MGMT: variants seen among roughly 807,000 people sequenced by gnomAD.
MGMT encodes the protein methylated-DNA--protein-cysteine methyltransferase.
MGMT carries 14 observed loss-of-function variants against 15.9 expected under a neutral mutation model. The ratio of observed to expected loss-of-function variants is 0.88; its 90% CI spans 0.58 to 1.37. The LOEUF is 1.37. Ranked by LOEUF, MGMT falls within the 40% of genes most tolerant of loss-of-function variation. The pLI is 0.00. For synonymous variants in MGMT, 130 were observed against 118.2 expected (o/e 1.10, Z -0.65); for missense variants, 282 against 268.1 (o/e 1.05, Z -0.36).
chr10:129,594,652 C>T lies in MGMT; in HGVS notation c.125+58275C>T, dbSNP rs75860567. On this transcript the variant is annotated intron_variant, in intron 2 of 4. Transcript: ENST00000651593. ...GAAATTGTTCCCATCAGCTCCAGCG[C>T]GTGAAAGACAATACGAACAGTAACA... Among the ~76,000 whole-genome samples, 605 of 152,268 alleles carry T rather than the reference C, an allele frequency of 4.0e-3. 3 individuals are homozygous for T. The highest frequency in any genetic ancestry group is 0.012 in the African/African-American group (510 of 41,552).
chr10:129,711,849 C>T (rs763053599), intron 3 of MGMT, among the ~76,000 whole-genome samples: 7 of 152,022 alleles, frequency 4.6e-5, no homozygotes, highest in Non-Finnish European at 8.8e-5. Context: ...TTAATGAAGC[C>T]ATTATTTTTG....
chr10:129,607,602 C>T (rs972245453), intron 2 of MGMT, among the ~76,000 whole-genome samples: 1 of 152,208 alleles, frequency 6.6e-6, no homozygotes, highest in Non-Finnish European at 1.5e-5. Context: ...CAGGACCTCA[C>T]ACTGAACACC....
In MGMT at chr10:129,554,013, G is replaced by A. The variant is rs115790414; in HGVS notation, c.125+17636G>A. ...CGGACACAGTTGTGTGAATGTGATT[G>A]CAGGAGGGAGCTGGGCAGCTGTTAT... is the stretch of plus-strand genomic sequence containing the variant. On this transcript the variant is annotated intron_variant, in intron 2 of 4. Coordinates refer to ENST00000651593, the MANE Select transcript of MGMT (RefSeq NM_002412.5). 1.5e-3 allele frequency among the ~76,000 whole-genome samples: 221 copies of A among 152,376 alleles called. 1 individual carries two copies. The highest frequency in any genetic ancestry group is 5.0e-3 in the African/African-American group (208 of 41,596).
chr10:129,729,199 G>T (rs538785313), intron 3 of MGMT, among the ~76,000 whole-genome samples: 1 of 152,238 alleles, frequency 6.6e-6, no homozygotes, highest in African/African-American at 2.4e-5. Flanking sequence ...GATGAGCATG[G>T]ACTCTTCAGG....
At chr10:129,730,683 T>TG (rs1848485572) in intron 3 of MGMT, among the ~76,000 whole-genome samples, 1 of 152,246 alleles carries the variant, frequency 6.6e-6, no homozygotes, top group Admixed American at 6.5e-5. Flanking sequence ...CTTGAGCACT[T>TG]GCTGTCCTGC....
chr10:129,467,255 C>G lies in MGMT; in HGVS notation c.-54C>G, dbSNP rs1279075162. On this transcript the variant is annotated 5_prime_UTR_variant, in exon 1 of 5. Transcript: ENST00000651593. The stretch of plus-strand genomic sequence containing the variant: ...CGCGCCCCTAGAACGCTTTGCGTCC[C>G]GACGCCCGCAGGTCCTCGCGGTGCG... 12 of 1,544,538 alleles carry G rather than the reference C, an allele frequency of 7.8e-6. No homozygotes were observed. Among genetic ancestry groups the G allele is most frequent in the East Asian group, 7.5e-5 (3 of 39,932 alleles).
At chr10:129,758,195 G>A (rs1022241315) in intron 3 of MGMT, among the ~76,000 whole-genome samples, 6 of 152,150 alleles carry the variant, frequency 3.9e-5, no homozygotes, top group African/African-American at 1.4e-4. Context: ...ACACATGTAA[G>A]GGTGTGTTTC....
intron 1 of MGMT, among the ~76,000 whole-genome samples, chr10:129,489,359 CAAAAAAAAAAAAAAAAAA>C (rs34274988): frequency 1.7e-5 from 1 of 57,362 alleles, no homozygotes; most frequent in African/African-American, 7.5e-5. Context: ...GACTCTGTCT[CAAAAAAAAAAAAAAAAAA>C]AAAAAAAAAT....
intron 2 of MGMT, among the ~76,000 whole-genome samples, chr10:129,561,119 G>A (rs945970184): frequency 7.2e-5 from 11 of 152,244 alleles, no homozygotes; most frequent in African/African-American, 2.6e-4. Context: ...TGCAGTTGGT[G>A]CCTAGTGATT....
chr10:129,542,605 A>G (rs1351609770), intron 2 of MGMT, among the ~76,000 whole-genome samples: 3 of 152,216 alleles, frequency 2.0e-5, no homozygotes, highest in African/African-American at 7.2e-5. Context: ...GTGCCGTGAA[A>G]TAATGATTTG....
chr10:129,602,723 G>C (rs1480043965), intron 2 of MGMT, among the ~76,000 whole-genome samples: 1 of 152,002 alleles, frequency 6.6e-6, no homozygotes, highest in African/African-American at 2.4e-5. Context: ...CATTACCTGG[G>C]GGCTGCCACC....
chr10:129,503,052 C>T (rs1405394425), intron 1 of MGMT, among the ~76,000 whole-genome samples: 1 of 151,640 alleles, frequency 6.6e-6, no homozygotes, highest in Non-Finnish European at 1.5e-5. Flanking sequence ...GTTTCCAGGC[C>T]ATATCTTACA....
intron 2 of MGMT, among the ~76,000 whole-genome samples, chr10:129,628,655 A>G (rs535753382): frequency 6.6e-6 from 1 of 152,326 alleles, no homozygotes. Flanking sequence ...GTTCGTGTCG[A>G]TGAAGGAGGC....
chr10:129,640,819 TAATC>T (rs1350007697), intron 2 of MGMT, among the ~76,000 whole-genome samples: 3 of 152,262 alleles, frequency 2.0e-5, no homozygotes, highest in East Asian at 1.9e-4. Context: ...ATTTCACAAT[TAATC>T]AGTTTACCAT....
intron 3 of MGMT, among the ~76,000 whole-genome samples, chr10:129,745,918 T>C (rs768643488): frequency 6.6e-6 from 1 of 152,140 alleles, no homozygotes; most frequent in Non-Finnish European, 1.5e-5. Context: ...TCCTAGCTAG[T>C]AGTAGCTAGT....
intron 2 of MGMT, among the ~76,000 whole-genome samples, chr10:129,661,761 T>C (rs1173657348): frequency 2.0e-5 from 3 of 152,256 alleles, no homozygotes; most frequent in Non-Finnish European, 4.4e-5. Flanking sequence ...AGTCCTGCTT[T>C]GAAGCGCCAC....
chr10:129,766,470 T>C (rs1848936284), intron 4 of MGMT, among the ~76,000 whole-genome samples: 1 of 152,212 alleles, frequency 6.6e-6, no homozygotes, highest in South Asian at 2.1e-4. Flanking sequence ...GAACGTTGTA[T>C]ATTACTCACC....
intron 2 of MGMT, among the ~76,000 whole-genome samples, chr10:129,673,182 T>C (rs1243173714): frequency 6.6e-6 from 1 of 152,186 alleles, no homozygotes; most frequent in African/African-American, 2.4e-5. Context: ...TAGGGGCAGC[T>C]CCTGTGCTGC....
chr10:129,597,893 C>T (rs1846769680), intron 2 of MGMT, among the ~76,000 whole-genome samples: 1 of 152,128 alleles, frequency 6.6e-6, no homozygotes, highest in Admixed American at 6.5e-5. Context: ...TAAAAAATGG[C>T]ATAGGGCATT....
Sources: gnomAD v4.1 joint callset for allele counts (sites outside exome capture counted in the v4.1 genomes callset) on GRCh38, gnomAD v4.1.1 for gene constraint, MANE v1.5 for transcripts, NCBI Gene and HGNC (gene_info 2026-07-23, HGNC 2026-07-21) for gene names.